The following SHPRH variants were observed in gnomAD, a reference collection of about 807,000 sequenced individuals.
SHPRH encodes the protein SNF2 histone linker PHD RING helicase, also known as E3 ubiquitin-protein ligase SHPRH.
Under a neutral mutation model 202.5 loss-of-function variants are expected in SHPRH, and 106 were observed. That is an observed-to-expected ratio of 0.52 (90% CI 0.45 to 0.62). SHPRH has a LOEUF of 0.62. SHPRH is among the 20% of genes least tolerant of loss of function. SHPRH has a pLI of 0.00. For synonymous variants in SHPRH, 729 were observed against 686.0 expected, an observed-to-expected ratio of 1.06 and a Z score of -0.98; for missense variants, 1,710 against 2,020.0, an observed-to-expected ratio of 0.85 and a Z score of 2.94.
In SHPRH at chr6:145,955,329, G is replaced by C. The variant is rs371082425; in HGVS notation, c.-7C>G. The C allele has an allele frequency of 3.8e-6, 6 of 1,587,878 alleles. No homozygotes were observed. The highest frequency in any genetic ancestry group is 1.7e-5 in the Admixed American group (1 of 59,116). ...GTTTCCGTCGGCTGCTCATTTTCAA[G>C]TTTTCTTGGCTGGTAACTGTGAACT... On this transcript the variant is annotated 5_prime_UTR_variant, in exon 2 of 30. Transcript: ENST00000275233.
chr6:145,921,035 G>A (rs1784393722), intron 21 of SHPRH, 132 bp downstream of exon 21: 2 of 696,660 alleles, frequency 2.9e-6, no homozygotes, highest in Non-Finnish European at 4.7e-6. Flanking sequence ...TACATTTCAG[G>A]CAAAGAGAAA....
At position 145,950,252 on chromosome 6, in the gene SHPRH, T is replaced by C; in HGVS notation, c.982+12A>G. On this transcript the variant is annotated intron_variant, in intron 4 of 29. Transcript: ENST00000275233. ...TAATCAATTGGACTTTCTTTAAACA[T>C]CTTATTCTTACCAGTAGCAGGACTG... The C allele has an allele frequency of 4.3e-6, 7 of 1,611,206 alleles. No homozygotes were observed. Among genetic ancestry groups the C allele is most frequent in the Non-Finnish European group, 5.9e-6 (7 of 1,178,188 alleles).
chr6:145,871,503 C>T (rs930533012), intron 2 of SHPRH: 1 of 152,046 alleles, frequency 6.6e-6, no homozygotes, highest in East Asian at 1.9e-4. Flanking sequence ...AGTGAAGGAC[C>T]TCTTCAAGGA....
chr6:145,959,490 A>C (rs879900677), intron 1 of SHPRH, among the ~76,000 whole-genome samples: 1 of 141,424 alleles, frequency 7.1e-6, no homozygotes, highest in Non-Finnish European at 1.5e-5. Context: ...TGGCGGTACC[A>C]CCTAGGTTTG....
intron 25 of SHPRH, chr6:145,904,675 G>A (rs1010501912): frequency 2.0e-5 from 3 of 152,214 alleles, no homozygotes; most frequent in Non-Finnish European, 2.9e-5. Flanking sequence ...TAAACATGGC[G>A]TGAAGCAGTG....
At chr6:145,915,167 A>G (rs1783838993) in intron 23 of SHPRH, among the ~76,000 whole-genome samples, 1 of 147,848 alleles carries the variant, frequency 6.8e-6, no homozygotes, top group Non-Finnish European at 1.5e-5. Flanking sequence ...ATATAATTAT[A>G]AATATAAATA....
chr6:145,935,408 T>C lies in SHPRH; in HGVS notation c.2603A>G (p.Glu868Gly), dbSNP rs1487372633. 6.2e-7 allele frequency: 1 copy of C among 1,613,808 alleles called. No homozygotes were observed. Among genetic ancestry groups the C allele is most frequent in the Non-Finnish European group, 8.5e-7 (1 of 1,179,968 alleles). The change falls in exon 12 of 30, where the codon GAA becomes GGA. Residue 868 changes from glutamate to glycine, a missense_variant. This residue lies in a region of SHPRH where 277 missense variants were observed against 363.0 expected (regional missense o/e 0.76). Transcript: ENST00000275233. ...CCACCAGTGTTTGACACAGTAAGGT[T>C]CAATACCAAGAAAGACCACTAACCC... The part of the protein sequence containing the change: ...LFGLVVFLGI[E>G]PYCVKHWWVR...
Position 145,919,332 on chromosome 6 carries a change from T to C in SHPRH, c.4152+16A>G. On this transcript the variant is annotated intron_variant, in intron 22 of 29. Coordinates refer to ENST00000275233, the MANE Select transcript of SHPRH (RefSeq NM_001042683.3). ...CTGCTTGCTGTTCCCTTTTCTGTGA[T>C]TTACTTGCCAATTACCTCATGTGGT... 1.2e-6 allele frequency: 2 copies of C among 1,612,240 alleles called. No homozygotes were observed. Among genetic ancestry groups the C allele is most frequent in the African/African-American group, 1.3e-5 (1 of 74,928 alleles).
At chr6:145,862,561 T>C (rs1283972269), downstream of SHPRH, 2 of 152,394 alleles carry the variant, frequency 1.3e-5, no homozygotes, top group East Asian at 1.9e-4. Flanking sequence ...AACAGTTTCA[T>C]GGGAGTATAC....
At chr6:145,877,857 T>TTACC (rs1234400044) in intron 2 of SHPRH, 1 of 152,200 alleles carries the variant, frequency 6.6e-6, no homozygotes, top group African/African-American at 2.4e-5. Flanking sequence ...ATGTTTAAAT[T>TTACC]TACCTATAGC....
chr6:145,956,696 T>G (rs1417157266), intron 1 of SHPRH, among the ~76,000 whole-genome samples: 1 of 152,164 alleles, frequency 6.6e-6, no homozygotes, highest in African/African-American at 2.4e-5. Flanking sequence ...GATAACTTAC[T>G]ATACTTTCAT....
At chr6:145,934,395 G>A (rs755574250) in intron 13 of SHPRH, among the ~76,000 whole-genome samples, 1 of 147,578 alleles carries the variant, frequency 6.8e-6, no homozygotes, top group Non-Finnish European at 1.5e-5. Context: ...GAACCCAGGA[G>A]GCAGAGATTG....
At chr6:145,913,179 G>A (rs1393518888) in intron 24 of SHPRH, among the ~76,000 whole-genome samples, 3 of 152,020 alleles carry the variant, frequency 2.0e-5, no homozygotes, top group South Asian at 4.1e-4. Flanking sequence ...TTAACCTGAC[G>A]AAGTCAAATT....
intron 14 of SHPRH, among the ~76,000 whole-genome samples, chr6:145,929,910 ATC>A (rs896588224): frequency 3.3e-5 from 5 of 152,110 alleles, no homozygotes; most frequent in Non-Finnish European, 5.9e-5. Context: ...ATCATTCTTC[ATC>A]TCTGTTTTTA....
At chr6:145,960,370 A>G (rs1788964076) in intron 1 of SHPRH, among the ~76,000 whole-genome samples, 1 of 152,222 alleles carries the variant, frequency 6.6e-6, no homozygotes, top group African/African-American at 2.4e-5. Context: ...GAAACTGCAC[A>G]TGGCAAAGAG....
intron 1 of SHPRH, among the ~76,000 whole-genome samples, chr6:145,961,184 T>C (rs568693348): frequency 6.6e-6 from 1 of 152,208 alleles, no homozygotes; most frequent in African/African-American, 2.4e-5. Flanking sequence ...CAAACTGTAA[T>C]GTCGCAGGAT....
rs750726521 is a variant in SHPRH, at chr6:145,945,696, A to T, written c.1322-59T>A. 9 of 1,492,816 alleles carry T rather than the reference A, an allele frequency of 6.0e-6. No homozygotes were observed. The South Asian group carries it at 1.1e-4, about 18-fold the overall frequency. 92.5% of individuals were successfully genotyped at this position (1,492,816 alleles called of 1,614,324 possible). On this transcript the variant is annotated intron_variant, in intron 7 of 29. Coordinates refer to ENST00000275233, the MANE Select transcript of SHPRH (RefSeq NM_001042683.3). ...ATAATTAAAATGAAAAGAAAGTAAAACTTGGTTAATCTTAATCTGCATGAG... is the reference window on the plus strand; with the variant it reads ...ATAATTAAAATGAAAAGAAAGTAAATCTTGGTTAATCTTAATCTGCATGAG...
At chr6:145,897,316 C>A (rs1487472298) in intron 25 of SHPRH, among the ~76,000 whole-genome samples, 1 of 151,908 alleles carries the variant, frequency 6.6e-6, no homozygotes, top group South Asian at 2.1e-4. Flanking sequence ...CAGAAACATA[C>A]AATCTACCAA....
rs780403090 is a variant in SHPRH at position 145,954,939 on chromosome 6, A to G, written c.384T>C (p.Ser128=). 1.9e-6 allele frequency: 3 copies of G among 1,613,730 alleles called. No homozygotes were observed. The highest frequency in any genetic ancestry group is 2.7e-5 in the African/African-American group (2 of 74,916). ...ELTLQLLPAQ[S]LIENFSERSI... Reference sequence around the variant, plus strand: ...TCCTTTCGGAAAAATTTTCAATTAAACTCTGTGCAGGAAGAAGCTGAAGAG... The same window carrying G: ...TCCTTTCGGAAAAATTTTCAATTAAGCTCTGTGCAGGAAGAAGCTGAAGAG... The change falls in exon 2 of 30, where the codon AGT becomes AGC. Residue 128 remains serine, a synonymous_variant. Transcript: ENST00000275233.
Sources: gnomAD v4.1 joint callset for allele counts (sites outside exome capture counted in the v4.1 genomes callset) on GRCh38, gnomAD v4.1.1 for gene constraint, gnomAD v4.1.1 regional missense constraint, MANE v1.5 for transcripts, NCBI Gene and HGNC (gene_info 2026-07-23, HGNC 2026-07-21) for gene names.